The following PILRA variants were observed in gnomAD, a reference collection of about 807,000 sequenced individuals.
The protein encoded by PILRA is paired immunoglobulin-like type 2 receptor alpha.
PILRA carries 37 observed loss-of-function variants against 33.1 expected under a neutral mutation model. The observed-to-expected ratio is 1.12, with a 90% confidence interval of 0.86 to 1.47. The LOEUF (loss-of-function observed/expected upper bound fraction) is 1.47. Ranked by LOEUF, PILRA falls within the 40% of genes most tolerant of loss-of-function variation. The probability of loss-of-function intolerance (pLI) is 0.00; values close to 1 mark genes in which losing one functional copy is unlikely to be tolerated. For synonymous variants in PILRA, 146 were observed against 149.9 expected (o/e 0.97, Z 0.19); for missense variants, 312 against 376.2 (o/e 0.83, Z 1.41).
intron 2 of PILRA, among the ~76,000 whole-genome samples, chr7:100,380,979 AC>A (rs1185360631): frequency 1.3e-5 from 2 of 150,880 alleles, no homozygotes; most frequent in Non-Finnish European, 3.0e-5. Flanking sequence ...TCCAAAAAAA[AC>A]AAAAACAAAA....
At chr7:100,399,228 C>T in intron 4 of PILRA, 63 bp from the exon 5 acceptor site, 3 of 1,239,060 alleles carry the variant, frequency 2.4e-6, no homozygotes, top group Non-Finnish European at 3.5e-6. Context: ...GGTGCCACCA[C>T]CCAGCCCATG....
chr7:100,374,543 A>C, intron 2 of PILRA, 110 bp downstream of exon 2: 1 of 1,333,678 alleles, frequency 7.5e-7, no homozygotes. Context: ...ACGACCCCTA[A>C]GTTCTCTCTT....
chr7:100,374,384 G>A lies in PILRA; in HGVS notation c.405G>A (p.Gly135=), dbSNP rs1790897567. ...CRVELDTRSS[G]RQQWQSIEGT... is the part of the protein sequence containing the mutation. The stretch of plus-strand genomic sequence containing the variant: ...TTGAGCTGGACACACGGAGCTCAGG[G>A]AGGCAGCAGTGGCAGTCCATCGAGG... Residue 135 remains glycine, a synonymous_variant, in exon 2 of 7, where the codon GGG becomes GGA. Coordinates refer to ENST00000198536, the MANE Select transcript of PILRA (RefSeq NM_013439.3). The A allele has an allele frequency of 6.2e-7, 1 of 1,613,980 alleles. No homozygotes were observed. The highest frequency in any genetic ancestry group is 8.5e-7 in the Non-Finnish European group (1 of 1,179,994).
intron 3 of PILRA, among the ~76,000 whole-genome samples, chr7:100,391,384 T>A (rs1791387908): frequency 6.6e-6 from 1 of 151,796 alleles, no homozygotes; most frequent in South Asian, 2.1e-4. Context: ...AAAAAAAATT[T>A]TTTATAAATG....
At chr7:100,387,767 C>T (rs1310943504) in intron 2 of PILRA, among the ~76,000 whole-genome samples, 1 of 152,152 alleles carries the variant, frequency 6.6e-6, no homozygotes, top group Non-Finnish European at 1.5e-5. Flanking sequence ...AGCATATACC[C>T]ACTCGTGACT....
chr7:100,383,315 G>A (rs769921059), intron 2 of PILRA, among the ~76,000 whole-genome samples: 5 of 152,124 alleles, frequency 3.3e-5, no homozygotes, highest in Non-Finnish European at 5.9e-5. Flanking sequence ...CAGGGCACCC[G>A]AGCCCACAGA....
At position 100,374,399 on chromosome 7, in the gene PILRA, G is replaced by A. The variant is rs1481202511; in HGVS notation, c.420G>A (p.Gln140=). The A allele has an allele frequency of 1.2e-6, 2 of 1,613,964 alleles. No individual in the cohort carries two copies. Among genetic ancestry groups the A allele is most frequent in the African/African-American group, 2.7e-5 (2 of 74,880 alleles). ...DTRSSGRQQW[Q]SIEGTKLSIT... ...GGAGCTCAGGGAGGCAGCAGTGGCA[G>A]TCCATCGAGGGGACCAAACTCTCCA... is the stretch of plus-strand genomic sequence containing the variant. The change falls in exon 2 of 7, where the codon CAG becomes CAA. Residue 140 remains glutamine, a synonymous_variant. Coordinates refer to ENST00000198536, the MANE Select transcript of PILRA (RefSeq NM_013439.3).
intron 3 of PILRA, among the ~76,000 whole-genome samples, chr7:100,396,508 C>T (rs1791495577): frequency 6.6e-6 from 1 of 151,978 alleles, no homozygotes; most frequent in African/African-American, 2.4e-5. Context: ...CAAAATTACC[C>T]AGGCCTGGTG....
intron 4 of PILRA, among the ~76,000 whole-genome samples, chr7:100,398,448 ACC>A (rs2130245706): frequency 6.6e-6 from 1 of 150,808 alleles, no homozygotes; most frequent in South Asian, 2.1e-4. Flanking sequence ...CTTCCTCTCC[ACC>A]CTCCCACCTC....
intron 2 of PILRA, among the ~76,000 whole-genome samples, chr7:100,384,443 T>TCACCATG (rs1791210856): frequency 6.6e-6 from 1 of 150,822 alleles, no homozygotes; most frequent in Non-Finnish European, 1.5e-5. Flanking sequence ...TTTTTTTTTT[T>TCACCATG]TTGAGACGGA....
chr7:100,399,264 A>G, intron 4 of PILRA, 27 bp from the exon 5 acceptor site: 2 of 1,583,526 alleles, frequency 1.3e-6, no homozygotes, highest in Non-Finnish European at 1.7e-6. Flanking sequence ...CCTCTAACAT[A>G]TTTCCTGTCC....
intron 2 of PILRA, among the ~76,000 whole-genome samples, chr7:100,381,535 G>T (rs567413039): frequency 2.3e-4 from 35 of 152,266 alleles, no homozygotes; most frequent in African/African-American, 7.7e-4. Flanking sequence ...ACTTTTGAGT[G>T]TGGGAATAAA....
chr7:100,390,432 A>G (rs1791366603), intron 3 of PILRA, among the ~76,000 whole-genome samples: 1 of 152,088 alleles, frequency 6.6e-6, no homozygotes, highest in Non-Finnish European at 1.5e-5. Context: ...GGAGAGAGAG[A>G]GCAGAAGGGA....
intron 3 of PILRA, among the ~76,000 whole-genome samples, chr7:100,397,434 G>T (rs527732889): frequency 6.6e-6 from 1 of 151,330 alleles, no homozygotes; most frequent in Admixed American, 6.6e-5. Flanking sequence ...TGAGTCCCAA[G>T]CACGACGCTC....
rs552739926 is a variant in PILRA, at chr7:100,383,807, TTA to T, written c.455-6079_455-6078del. Among the ~76,000 whole-genome samples the T allele has an allele frequency of 3.0e-3, 462 of 152,160 alleles. 5 individuals are homozygous for T. Among genetic ancestry groups the T allele is most frequent in the African/African-American group, 0.01 (426 of 41,492 alleles). ...ACCTGCCACCACACCCGGCTAATTTTTATGTTTTTAGTAGAGACAGGGTTTCA... is the reference window on the plus strand; with the variant it reads ...ACCTGCCACCACACCCGGCTAATTTTTGTTTTTAGTAGAGACAGGGTTTCA... On this transcript the variant is annotated intron_variant, in intron 2 of 6. Transcript: ENST00000198536.
chr7:100,389,844 T>C (rs1791343030), intron 2 of PILRA, 44 bp from the exon 3 acceptor site: 34 of 1,551,052 alleles, frequency 2.2e-5, no homozygotes, highest in Non-Finnish European at 3.0e-5. Context: ...CCAGACACCC[T>C]GTGCCCCCAG....
At chr7:100,390,206 G>A (rs775582437) in intron 3 of PILRA, 100 bp downstream of exon 3, 14 of 1,068,368 alleles carry the variant, frequency 1.3e-5, no homozygotes, top group Non-Finnish European at 2.0e-5. Context: ...AGACCCTGCT[G>A]GCTCCCCTCA....
At chr7:100,395,358 C>T (rs1001892939) in intron 3 of PILRA, among the ~76,000 whole-genome samples, 12 of 152,138 alleles carry the variant, frequency 7.9e-5, no homozygotes, top group African/African-American at 2.7e-4. Flanking sequence ...TTCTAATCTT[C>T]TGCCATGTGA....
intron 3 of PILRA, among the ~76,000 whole-genome samples, chr7:100,396,049 G>A (rs902172508): frequency 9.9e-5 from 15 of 152,016 alleles, no homozygotes; most frequent in African/African-American, 3.6e-4. Flanking sequence ...ACTTGAACCC[G>A]GGAGGCAGAG....
Sources: allele counts gnomAD v4.1 joint callset (sites outside exome capture counted in the v4.1 genomes callset), GRCh38; gene constraint gnomAD v4.1.1; transcripts MANE v1.5; gene names NCBI Gene and HGNC (gene_info 2026-07-23, HGNC 2026-07-21).